Variants in BBS9 observed in about 807,000 individuals in gnomAD.
The protein encoded by BBS9 is protein PTHB1.
BBS9 carries 89 observed loss-of-function variants against 117.7 expected under a neutral mutation model. The observed-to-expected ratio is 0.76, with a 90% CI of 0.64 to 0.90. BBS9 has a LOEUF of 0.90. Among genes scored for constraint, BBS9 ranks in the 40% least tolerant of loss-of-function variants. The pLI, the probability that BBS9 is intolerant of heterozygous loss-of-function variation, is 0.00. For missense variants in BBS9, 982 were observed against 1,042.2 expected (o/e 0.94, Z 0.80); for synonymous variants, 379 against 370.9 (o/e 1.02, Z -0.25).
chr7:33,245,766 C>G (rs1795238095), intron 5 of BBS9, among the ~76,000 whole-genome samples: 1 of 152,040 alleles, frequency 6.6e-6, no homozygotes, highest in Non-Finnish European at 1.5e-5. Context: ...GGAGCACTAA[C>G]ATATAAGAGA....
intron 5 of BBS9, among the ~76,000 whole-genome samples, chr7:33,242,698 CAAAG>C (rs1375415222): frequency 6.6e-6 from 1 of 152,076 alleles, no homozygotes; most frequent in Non-Finnish European, 1.5e-5. Context: ...AAGCAATTAA[CAAAG>C]AATTCAGCAT....
At chr7:33,333,896 G>A (rs1325725391) in intron 9 of BBS9, among the ~76,000 whole-genome samples, 1 of 152,098 alleles carries the variant, frequency 6.6e-6, no homozygotes, top group African/African-American at 2.4e-5. Context: ...ACAGGCGTGA[G>A]CCACCATCCC....
chr7:33,206,310 A>G (rs1786909550), intron 5 of BBS9, among the ~76,000 whole-genome samples: 1 of 152,168 alleles, frequency 6.6e-6, no homozygotes, highest in Non-Finnish European at 1.5e-5. Flanking sequence ...GTAAGTATAA[A>G]CTATCTAATT....
Position 33,635,085 on chromosome 7 carries a change from C to T in BBS9, c.2522-92C>T, listed in dbSNP as rs538615351. On this transcript the variant is annotated intron_variant, in intron 21 of 21. Transcript: ENST00000671952. ...ATCCTGTGCTCAGAATTAGATGCTG[C>T]GATCTGTGTGAGGGACATGGCATGG... Among the ~76,000 whole-genome samples, 11 of 152,262 alleles carry T rather than the reference C, an allele frequency of 7.2e-5. No individual in the cohort carries two copies. The South Asian group carries it at 1.5e-3, about 20-fold the overall frequency.
chr7:33,570,951 AT>A (rs1349081214), intron 21 of BBS9, among the ~76,000 whole-genome samples: 2 of 152,194 alleles, frequency 1.3e-5, no homozygotes, highest in African/African-American at 4.8e-5. Context: ...AACAGATGTG[AT>A]GTGGAATTTC....
intron 4 of BBS9, among the ~76,000 whole-genome samples, chr7:33,172,853 C>T (rs1461503791): frequency 1.3e-5 from 2 of 152,084 alleles, no homozygotes; most frequent in African/African-American, 4.8e-5. Context: ...ATGGTGCTCC[C>T]ATAAAAGTTC....
intron 20 of BBS9, among the ~76,000 whole-genome samples, chr7:33,509,880 A>C (rs1223908043): frequency 6.6e-6 from 1 of 152,164 alleles, no homozygotes; most frequent in African/African-American, 2.4e-5. Context: ...ATGCCATTTC[A>C]TTTGGAGCAG....
chr7:33,198,889 A>C (rs564690052), intron 5 of BBS9, among the ~76,000 whole-genome samples: 12 of 152,086 alleles, frequency 7.9e-5, no homozygotes, highest in African/African-American at 2.9e-4. Flanking sequence ...CAGTGGTTTT[A>C]ATGTGGGTCC....
At chr7:33,275,947 G>C (rs1800688543) in intron 9 of BBS9, among the ~76,000 whole-genome samples, 1 of 152,136 alleles carries the variant, frequency 6.6e-6, no homozygotes, top group Non-Finnish European at 1.5e-5. Flanking sequence ...AAAGTAGCCT[G>C]TCATTTTATT....
At chr7:33,549,487 G>A (rs1853994643) in intron 21 of BBS9, among the ~76,000 whole-genome samples, 1 of 148,918 alleles carries the variant, frequency 6.7e-6, no homozygotes, top group South Asian at 2.2e-4. Context: ...AGAGTGAACA[G>A]GCAACCTACA....
intron 19 of BBS9, among the ~76,000 whole-genome samples, chr7:33,493,839 C>T (rs80001443): frequency 1.3e-5 from 2 of 152,300 alleles, no homozygotes; most frequent in East Asian, 3.9e-4. Context: ...AGAGGAGGGT[C>T]TGAGTATAAA....
At chr7:33,294,492 G>A (rs1207986999) in intron 9 of BBS9, among the ~76,000 whole-genome samples, 1 of 152,098 alleles carries the variant, frequency 6.6e-6, no homozygotes, top group Non-Finnish European at 1.5e-5. Context: ...ATCTTGGCTG[G>A]AGGCTCCAGT....
At chr7:33,634,356 G>T (rs1179235732) in intron 21 of BBS9, among the ~76,000 whole-genome samples, 1 of 152,212 alleles carries the variant, frequency 6.6e-6, no homozygotes, top group East Asian at 1.9e-4. Flanking sequence ...GGCAGCCTGA[G>T]GTCAGAATTG....
chr7:33,306,175 G>T (rs1356607475), intron 9 of BBS9, among the ~76,000 whole-genome samples: 1 of 151,862 alleles, frequency 6.6e-6, no homozygotes, highest in Non-Finnish European at 1.5e-5. Context: ...GGAGCATATT[G>T]TTTAGTTTCC....
Position 33,383,716 on chromosome 7 carries a change from A to C in BBS9, c.1840A>C (p.Asn614His). 6.2e-7 allele frequency: 1 copy of C among 1,611,602 alleles called. No homozygotes were observed. Among genetic ancestry groups the C allele is most frequent in the South Asian group, 1.1e-5 (1 of 90,702 alleles). ...ATTTGAAGATCTTTGGCTCATAACC[A>C]ATGAGCTTATTCTTCGCCTTCAAGA... ...EQFEDLWLIT[N>H]ELILRLQEYF... The change falls in exon 18 of 23, where the codon AAT (asparagine) becomes CAT (histidine). Residue 614 changes from asparagine (N) to histidine (H), a missense_variant. By Grantham distance (68) the Asn-to-His change is moderately conservative (BLOSUM62 1). Transcript: ENST00000242067.
chr7:33,336,726 C>T (rs1815452071), intron 10 of BBS9, 104 bp downstream of exon 10: 1 of 827,752 alleles, frequency 1.2e-6, no homozygotes, highest in South Asian at 1.6e-5. Flanking sequence ...CTCCTCTAGG[C>T]TTAATTAAAA....
chr7:33,520,882 A>G (rs1315957578), intron 20 of BBS9, among the ~76,000 whole-genome samples: 3 of 152,098 alleles, frequency 2.0e-5, no homozygotes, highest in African/African-American at 4.8e-5. Context: ...TGATTTTTAT[A>G]TGTTCTTTTC....
chr7:33,384,566 G>C (rs13246987), intron 18 of BBS9, among the ~76,000 whole-genome samples: 2,446 of 152,158 alleles, frequency 0.016, 23 homozygotes, highest in Non-Finnish European at 0.026. Flanking sequence ...CAGTCATCAG[G>C]CTCCACTTAC....
chr7:33,624,922 C>T (rs1865570091), intron 21 of BBS9, among the ~76,000 whole-genome samples: 1 of 152,140 alleles, frequency 6.6e-6, no homozygotes. Flanking sequence ...ATTGAAACAT[C>T]ATAAACAGTA....
Sources: allele counts gnomAD v4.1 joint callset (sites outside exome capture counted in the v4.1 genomes callset), GRCh38; gene constraint gnomAD v4.1.1; transcripts MANE v1.5; gene names NCBI Gene and HGNC (gene_info 2026-07-23, HGNC 2026-07-21).